Variants in AP1S2 observed in about 807,000 individuals in gnomAD.
The protein encoded by AP1S2 is AP-1 complex subunit sigma-2.
In AP1S2, 1 loss-of-function variant was observed where a neutral mutation model predicts 14.3. The ratio of observed to expected loss-of-function variants is 0.07; its 90% CI spans 0.02 to 0.33. The LOEUF (loss-of-function observed/expected upper bound fraction) is 0.33, where lower values mean the gene tolerates loss of function less well. Ranked by LOEUF, AP1S2 falls within the 10% of genes least tolerant of loss-of-function variation. The pLI, the probability that AP1S2 is intolerant of heterozygous loss-of-function variation, is 0.99. For missense variants in AP1S2, 30 were observed against 117.7 expected (o/e 0.25, Z 3.45); for synonymous variants, 30 against 40.5 (o/e 0.74, Z 0.99).
rs1186788444 is a variant in AP1S2, at chrX:15,827,087, A to C, written c.*238T>G. On this transcript the variant is annotated 3_prime_UTR_variant, in exon 6 of 6. Coordinates refer to ENST00000672987, the MANE Select transcript of AP1S2 (RefSeq NM_001272071.2). ...AAGAGAAACTGACCTTTAAACTTTA[A>C]AATATCCAGAAAAGGTATCTCTTTC... 3.3e-5 allele frequency: 13 copies of C among 399,658 alleles called. No individual in the cohort carries two copies. The East Asian group carries it at 5.0e-4, about 15-fold the overall frequency. The allele number at this position is 399,658 out of a possible 1,213,427, so 32.9% of individuals were successfully genotyped here.
At chrX:15,845,852 G>C (rs767305779) in intron 3 of AP1S2, 51 bp downstream of exon 3, 59 of 1,029,059 alleles carry the variant, frequency 5.7e-5, no homozygotes, top group Non-Finnish European at 5.5e-6. Flanking sequence ...TAGAGAAAAG[G>C]TTCCAAAATA....
chrX:15,834,469 TATATATATATAA>T (rs1373196757), intron 4 of AP1S2, among the ~76,000 whole-genome samples: 2,342 of 37,512 alleles, frequency 0.062, 109 homozygotes, highest in Middle Eastern at 0.091. Context: ...TATATATATA[TATATATATATAA>T]TTTTTTTTTT....
rs1432172887 is a variant in AP1S2 at position 15,854,691 on chromosome X, G to A, written c.-4C>T. ...CCTTTCGCCCCCAGGGACTTACGGC[G>A]GCCGCGGGCCGCGGGCGCGGCGGAG... On this transcript the variant is annotated 5_prime_UTR_variant, in exon 1 of 6. Transcript: ENST00000672987. 3.3e-5 allele frequency: 25 copies of A among 747,277 alleles called. No individual in the cohort carries two copies. The highest frequency in any genetic ancestry group is 4.7e-5 in the African/African-American group (2 of 42,342). 61.6% of individuals were successfully genotyped at this position (747,277 alleles called of 1,213,427 possible).
chrX:15,848,218 AG>A (rs1287068094), intron 2 of AP1S2, among the ~76,000 whole-genome samples: 2 of 111,971 alleles, frequency 1.8e-5, no homozygotes, highest in Admixed American at 9.5e-5. Context: ...AGCTTAGGGC[AG>A]GAAAAAAACA....
intron 4 of AP1S2, among the ~76,000 whole-genome samples, chrX:15,843,893 T>C (rs1238521737): frequency 1.8e-5 from 2 of 112,093 alleles, no homozygotes; most frequent in African/African-American, 6.5e-5. Context: ...GCACCTGATA[T>C]TAAAAACAAA....
intron 1 of AP1S2, among the ~76,000 whole-genome samples, chrX:15,853,160 A>T (rs1283717440): frequency 1.8e-5 from 2 of 112,785 alleles, no homozygotes; most frequent in African/African-American, 6.4e-5. Flanking sequence ...TATGTACAAA[A>T]TCTAGAACTG....
chrX:15,838,733 C>T (rs1159448469), intron 4 of AP1S2, among the ~76,000 whole-genome samples: 1 of 110,878 alleles, frequency 9.0e-6, no homozygotes, highest in African/African-American at 3.3e-5. Context: ...AGGACACTGG[C>T]CAAATTATTA....
chrX:15,848,068 A>C (rs768384012), intron 2 of AP1S2, among the ~76,000 whole-genome samples: 3 of 111,905 alleles, frequency 2.7e-5, no homozygotes, highest in Non-Finnish European at 5.7e-5. Flanking sequence ...TAATTTAAAA[A>C]TCATCAGAAA....
intron 4 of AP1S2, among the ~76,000 whole-genome samples, chrX:15,829,842 A>G (rs1376086821): frequency 9.0e-6 from 1 of 111,396 alleles, no homozygotes; most frequent in Non-Finnish European, 1.9e-5. Flanking sequence ...ATAGAGTTTC[A>G]GTTCTGCCAG....
intron 4 of AP1S2, chrX:15,832,252 C>T: frequency 1.4e-6 from 1 of 723,861 alleles, no homozygotes; most frequent in Non-Finnish European, 1.6e-6. Flanking sequence ...AGCCCATCAT[C>T]CTTCAGACTC....
chrX:15,839,700 C>G (rs918372792), intron 4 of AP1S2, among the ~76,000 whole-genome samples: 3 of 108,507 alleles, frequency 2.8e-5, no homozygotes, highest in Non-Finnish European at 5.7e-5. Flanking sequence ...ATTGCCCAGG[C>G]TGGTCTCGAA....
intron 4 of AP1S2, chrX:15,832,974 T>C: frequency 4.4e-6 from 5 of 1,126,897 alleles, no homozygotes; most frequent in Non-Finnish European, 5.8e-6. Context: ...TTAAACCCAA[T>C]GAAACTCTTG....
chrX:15,843,206 A>G (rs1167789259), intron 4 of AP1S2, among the ~76,000 whole-genome samples: 1 of 111,834 alleles, frequency 8.9e-6, no homozygotes, highest in East Asian at 2.8e-4. Flanking sequence ...CTCTAAGGTA[A>G]ACTTAACATT....
At position 15,854,747 on chromosome X, in the gene AP1S2, G is replaced by A; in HGVS notation, c.-60C>T. 7 of 811,126 alleles carry A rather than the reference G, an allele frequency of 8.6e-6. No individual in the cohort carries two copies. The highest frequency in any genetic ancestry group is 1.0e-5 in the Non-Finnish European group (7 of 673,973). 66.8% of individuals were successfully genotyped at this position (811,126 alleles called of 1,213,427 possible). A position where few individuals can be genotyped will look rare whatever the true frequency, so the allele number is the denominator to read the frequency against. On this transcript the variant is annotated 5_prime_UTR_variant, in exon 1 of 6. Transcript: ENST00000672987. ...CCGGCGGCGGCGGCGGCGGCGAAGG[G>A]GAAGCCCCTGTCGCCGTGCTGAGGA... is the stretch of plus-strand genomic sequence containing the variant.
chrX:15,829,273 C>T (rs1161761411), intron 4 of AP1S2, among the ~76,000 whole-genome samples: 2 of 111,880 alleles, frequency 1.8e-5, no homozygotes, highest in African/African-American at 6.5e-5. Context: ...TAGCCTTAAG[C>T]ATTAAATACA....
At chrX:15,832,940 C>G (rs1250097584) in intron 4 of AP1S2, 10 of 1,110,580 alleles carry the variant, frequency 9.0e-6, no homozygotes, top group Middle Eastern at 2.5e-4. Context: ...GTCAGTACTC[C>G]AGCACGTATT....
chrX:15,834,650 ATTTT>A (rs1167300055), intron 4 of AP1S2, among the ~76,000 whole-genome samples: 1 of 80,387 alleles, frequency 1.2e-5, no homozygotes, highest in Non-Finnish European at 2.4e-5. Flanking sequence ...TAATTTTTGT[ATTTT>A]TTTTTTTTTT....
At chrX:15,854,591 G>A in intron 1 of AP1S2, 97 bp downstream of exon 1, 1 of 325,363 alleles carries the variant, frequency 3.1e-6, no homozygotes, top group Non-Finnish European at 4.0e-6. Flanking sequence ...CTCGGGGTGG[G>A]GTCGTCGGGG....
intron 3 of AP1S2, 33 bp from the exon 4 acceptor site, chrX:15,845,549 A>G (rs1463325002): frequency 8.4e-7 from 1 of 1,195,560 alleles, no homozygotes; most frequent in Non-Finnish European, 1.1e-6. Flanking sequence ...AAAAGAAAAG[A>G]AAAAATTGTT....
Sources: gnomAD v4.1 joint callset for allele counts (sites outside exome capture counted in the v4.1 genomes callset) on GRCh38, gnomAD v4.1.1 for gene constraint, MANE v1.5 for transcripts, NCBI Gene and HGNC (gene_info 2026-07-23, HGNC 2026-07-21) for gene names.